Variants in ERAP1 observed in about 807,000 individuals in gnomAD.
ERAP1 encodes endoplasmic reticulum aminopeptidase 1.
In ERAP1, 86 loss-of-function variants were observed where a neutral mutation model predicts 103.7. The observed-to-expected ratio is 0.83, with a 90% confidence interval of 0.70 to 0.99. The LOEUF (loss-of-function observed/expected upper bound fraction) is 0.99. Ranked by LOEUF, ERAP1 falls within the 50% of genes least tolerant of loss-of-function variation. The probability of loss-of-function intolerance (pLI) is 0.00; values close to 1 mark genes in which losing one functional copy is unlikely to be tolerated. For synonymous variants in ERAP1, 398 were observed against 402.4 expected (o/e 0.99, Z 0.13); for missense variants, 1,009 against 1,128.4 (o/e 0.89, Z 1.52).
chr5:96,770,583 AAGCGAAGGATTC>A, downstream of ERAP1: 1 of 1,612,386 alleles, frequency 6.2e-7, no homozygotes, highest in Non-Finnish European at 8.5e-7. Context: ...AATGGAGGTA[AAGCGAAGGATTC>A]AGCAAAGGTA....
At chr5:96,814,203 T>C in the ERAP1 span, 1 of 455,806 alleles carries the variant, frequency 2.2e-6, no homozygotes, top group Non-Finnish European at 4.4e-6. Context: ...GACTATCGGA[T>C]TGAGAACCTC....
In ERAP1 at chr5:96,788,563, G is replaced by A. The variant is rs1187634706; in HGVS notation, c.1647C>T (p.Tyr549=). 5 of 1,614,104 alleles carry A rather than the reference G, an allele frequency of 3.1e-6. No homozygotes were observed. Among genetic ancestry groups the A allele is most frequent in the South Asian group, 2.2e-5 (2 of 91,094 alleles). The change falls in exon 11 of 19, where the codon TAC becomes TAT. Residue 549 remains tyrosine (Y), a synonymous_variant. Coordinates refer to ENST00000443439, the MANE Select transcript of ERAP1 (RefSeq NM_001040458.3). Reference sequence around the variant, plus strand: ...CCGGGGCGCCGTCAGAGCCCTTCATGTAGTGCTCTTGCTTCATGTGTACAT... The same window carrying A: ...CCGGGGCGCCGTCAGAGCCCTTCATATAGTGCTCTTGCTTCATGTGTACAT... ...GRNVHMKQEH[Y]MKGSDGAPDT... is the part of the protein sequence containing the mutation.
chr5:96,778,157 C>T (rs1044858960), intron 18 of ERAP1, among the ~76,000 whole-genome samples: 4 of 152,156 alleles, frequency 2.6e-5, no homozygotes, highest in African/African-American at 9.7e-5. Context: ...ATTTATTCAT[C>T]CCTCTGCTGT....
intron 6 of ERAP1, 73 bp from the exon 7 acceptor site, chr5:96,793,586 A>G: frequency 1.6e-6 from 2 of 1,249,428 alleles, no homozygotes; most frequent in Non-Finnish European, 2.3e-6. Context: ...ATATAAGTTT[A>G]TGAATGTTAA....
At position 96,803,427 on chromosome 5, in the gene ERAP1, T is replaced by C; in HGVS notation, c.500A>G (p.Tyr167Cys). 6.2e-7 allele frequency: 1 copy of C among 1,613,256 alleles called. No homozygotes were observed. Among genetic ancestry groups the C allele is most frequent in the Non-Finnish European group, 8.5e-7 (1 of 1,179,814 alleles). Residue 167 changes from tyrosine (Y) to cysteine (C), a missense_variant, in exon 2 of 19, where the codon TAC (tyrosine) becomes TGC (cysteine). Coordinates refer to ENST00000443439, the MANE Select transcript of ERAP1 (RefSeq NM_001040458.3). The stretch of plus-strand genomic sequence containing the variant: ...CCTCAGTTCCCCTTCCTTGGTTCTG[T>C]AGGTGCTTTTGTAAAATCCGTGGAA... ...ETFHGFYKST[Y>C]RTKEGELRIL...
At chr5:96,873,170 C>G in the ERAP1 span, 3 of 357,628 alleles carry the variant, frequency 8.4e-6, no homozygotes, top group South Asian at 4.2e-5. Flanking sequence ...GCCTGGGTGA[C>G]AGAGTGAGAC....
chr5:96,810,758 G>C (rs928811726), upstream of ERAP1, among the ~76,000 whole-genome samples: 8 of 152,166 alleles, frequency 5.3e-5, no homozygotes, highest in African/African-American at 1.9e-4. Context: ...AAAAAATATT[G>C]AATTCTAGAT....
chr5:96,803,965 AG>A, intron 1 of ERAP1, 22 bp from the exon 2 acceptor site: 2 of 1,599,366 alleles, frequency 1.3e-6, no homozygotes, highest in Non-Finnish European at 1.7e-6. Flanking sequence ...AATGTACAAA[AG>A]CAAAAATATA....
the ERAP1 span, among the ~76,000 whole-genome samples, chr5:96,933,578 G>A: frequency 6.6e-6 from 1 of 151,688 alleles, no homozygotes; most frequent in Non-Finnish European, 1.5e-5. Flanking sequence ...TTTTTATCAC[G>A]TCTCTGCAGA....
At chr5:96,882,197 T>A in the ERAP1 span, among the ~76,000 whole-genome samples, 1 of 152,366 alleles carries the variant, frequency 6.6e-6, no homozygotes, top group Non-Finnish European at 1.5e-5. Context: ...AGTGTCAACT[T>A]CTTCTCACTA....
chr5:96,860,182 T>A, the ERAP1 span, among the ~76,000 whole-genome samples: 1 of 152,000 alleles, frequency 6.6e-6, no homozygotes, highest in Non-Finnish European at 1.5e-5. Context: ...GCCTCCAGAG[T>A]AGCTGGGATT....
intron 19 of ERAP1, among the ~76,000 whole-genome samples, chr5:96,766,853 GGTGA>G (rs1347383008): frequency 1.4e-5 from 2 of 144,886 alleles, no homozygotes; most frequent in Non-Finnish European, 3.0e-5. Context: ...GATTCATTTT[GGTGA>G]GTAAGATGAT....
In ERAP1 at chr5:96,774,923, C is replaced by CATCA. The variant is rs1416159936; in HGVS notation, c.*1469_*1472dup. 9.1e-6 allele frequency: 7 copies of CATCA among 769,526 alleles called. No individual in the cohort carries two copies. The highest frequency in any genetic ancestry group is 7.6e-5 in the Admixed American group (1 of 13,194). The allele number at this position is 769,526 out of a possible 1,614,324, so 47.7% of individuals were successfully genotyped here. ...ACATTTTGACATTTTTCGTACCAAT[C>CATCA]ATCAATCATATTCCCTTATCTTGAA... On this transcript the variant is annotated 3_prime_UTR_variant, in exon 19 of 19. Coordinates refer to ENST00000443439, the MANE Select transcript of ERAP1 (RefSeq NM_001040458.3).
At chr5:96,847,602 A>G in the ERAP1 span, among the ~76,000 whole-genome samples, 1 of 152,224 alleles carries the variant, frequency 6.6e-6, no homozygotes, top group Non-Finnish European at 1.5e-5. Flanking sequence ...ATTCAAAAAG[A>G]TAGAACTCAT....
chr5:96,925,439 C>A, the ERAP1 span, among the ~76,000 whole-genome samples: 1 of 152,168 alleles, frequency 6.6e-6, no homozygotes, highest in Non-Finnish European at 1.5e-5. Flanking sequence ...CCTGGGCTGC[C>A]CTTCATTTAC....
At chr5:96,902,667 C>G in the ERAP1 span, 1 of 195,240 alleles carries the variant, frequency 5.1e-6, no homozygotes. Flanking sequence ...AAAAAATGTT[C>G]AGTGGAAAAA....
At chr5:96,916,018 C>T in the ERAP1 span, among the ~76,000 whole-genome samples, 2 of 152,026 alleles carry the variant, frequency 1.3e-5, no homozygotes, top group Admixed American at 6.6e-5. Flanking sequence ...GTCAGGAGTT[C>T]GAGACCAGCC....
the ERAP1 span, among the ~76,000 whole-genome samples, chr5:96,842,652 T>G: frequency 6.6e-6 from 1 of 152,212 alleles, no homozygotes; most frequent in Non-Finnish European, 1.5e-5. Context: ...ATTTTCTTGC[T>G]GATTTGTTTG....
chr5:96,884,045 T>TCTAA, the ERAP1 span: 1 of 355,972 alleles, frequency 2.8e-6, no homozygotes, highest in Non-Finnish European at 5.2e-6. Flanking sequence ...TATCTATCTA[T>TCTAA]CTATCTATCT....
Sources: allele counts gnomAD v4.1 joint callset (sites outside exome capture counted in the v4.1 genomes callset), GRCh38; gene constraint gnomAD v4.1.1; transcripts MANE v1.5; gene names NCBI Gene and HGNC (gene_info 2026-07-23, HGNC 2026-07-21).